The following ZNF385D variants were observed in gnomAD, a reference collection of about 807,000 sequenced individuals.
The protein encoded by ZNF385D is zinc finger protein 659.
In ZNF385D, 15 loss-of-function variants were observed where a neutral mutation model predicts 35.8. The ratio of observed to expected loss-of-function variants is 0.42; its 90% confidence interval spans 0.28 to 0.64. The LOEUF (loss-of-function observed/expected upper bound fraction) is 0.64. Ranked by LOEUF, ZNF385D falls within the 30% of genes least tolerant of loss-of-function variation. The pLI is 0.23. For missense variants in ZNF385D, 474 were observed against 494.6 expected, an observed-to-expected ratio of 0.96 and a Z score of 0.39; for synonymous variants, 212 against 186.8, an observed-to-expected ratio of 1.13 and a Z score of -1.10.
rs182212375 is a variant in ZNF385D, at chr3:21,842,068, A to G, written c.326-177040T>C. ...ATAATTTTTATCATTTCTAAAATTT[A>G]GATTTTTTGTTAAATTTAAAACTAT... On this transcript the variant is annotated intron_variant, in intron 3 of 5. Transcript: ENST00000494108. Among the ~76,000 whole-genome samples, 5 of 152,068 alleles carry G rather than the reference A, an allele frequency of 3.3e-5. No homozygotes were observed. The East Asian group carries it at 9.7e-4, about 30-fold the overall frequency.
intron 3 of ZNF385D, among the ~76,000 whole-genome samples, chr3:22,126,630 T>A (rs1445315037): frequency 2.6e-5 from 4 of 152,088 alleles, no homozygotes; most frequent in Non-Finnish European, 2.9e-5. Context: ...TGATCCGTAT[T>A]CTGAGGAGAA....
intron 3 of ZNF385D, among the ~76,000 whole-genome samples, chr3:22,136,986 T>C (rs768944539): frequency 2.6e-5 from 4 of 152,172 alleles, no homozygotes; most frequent in Non-Finnish European, 5.9e-5. Context: ...CTATTCTATA[T>C]GATCATGTAG....
intron 3 of ZNF385D, among the ~76,000 whole-genome samples, chr3:21,518,768 A>G (rs1707734705): frequency 6.6e-6 from 1 of 152,196 alleles, no homozygotes; most frequent in Non-Finnish European, 1.5e-5. Context: ...AAACATTTGA[A>G]GAAGAAATTT....
At chr3:21,431,720 C>T (rs75624705) in intron 5 of ZNF385D, among the ~76,000 whole-genome samples, 7,658 of 152,118 alleles carry the variant, frequency 0.05, 282 homozygotes, top group Non-Finnish European at 0.079. Context: ...TTGTGATAGA[C>T]GAGTCTCTAT....
At chr3:22,009,754 C>A (rs259451) in intron 3 of ZNF385D, among the ~76,000 whole-genome samples, 3 of 151,670 alleles carry the variant, frequency 2.0e-5, no homozygotes, top group African/African-American at 4.8e-5. Context: ...ATACCAAAAT[C>A]TGGATAGTAG....
intron 2 of ZNF385D, among the ~76,000 whole-genome samples, chr3:22,276,572 T>C (rs146113920): frequency 2.0e-5 from 3 of 152,312 alleles, no homozygotes; most frequent in African/African-American, 4.8e-5. Context: ...TTCTTGCTTG[T>C]ATCACAGTTA....
At chr3:21,960,673 A>G (rs1253791674) in intron 3 of ZNF385D, among the ~76,000 whole-genome samples, 1 of 152,166 alleles carries the variant, frequency 6.6e-6, no homozygotes, top group African/African-American at 2.4e-5. Flanking sequence ...TCGCTAAGAT[A>G]TGGAGTTAAC....
intron 2 of ZNF385D, among the ~76,000 whole-genome samples, chr3:22,278,852 G>A (rs561527416): frequency 6.6e-6 from 1 of 152,200 alleles, no homozygotes; most frequent in African/African-American, 2.4e-5. Context: ...TTTACTGGAA[G>A]CCTTGCAGGT....
chr3:21,453,797 T>C (rs1702614590), intron 4 of ZNF385D, among the ~76,000 whole-genome samples: 1 of 152,064 alleles, frequency 6.6e-6, no homozygotes, highest in Non-Finnish European at 1.5e-5. Context: ...TGGAAAAATT[T>C]AGTAGCTTCT....
intron 3 of ZNF385D, among the ~76,000 whole-genome samples, chr3:22,012,688 A>T (rs1696651672): frequency 6.6e-6 from 1 of 151,548 alleles, no homozygotes; most frequent in Non-Finnish European, 1.5e-5. Context: ...TATAATGACT[A>T]TTTCTAGTCT....
At chr3:21,976,049 C>G (rs114208705) in intron 3 of ZNF385D, among the ~76,000 whole-genome samples, 17 of 152,110 alleles carry the variant, frequency 1.1e-4, no homozygotes, top group African/African-American at 4.1e-4. Flanking sequence ...CAGGCTCTAA[C>G]TGGGACACCT....
chr3:21,958,473 C>T (rs1409490164), intron 3 of ZNF385D, among the ~76,000 whole-genome samples: 4 of 151,972 alleles, frequency 2.6e-5, no homozygotes, highest in African/African-American at 9.7e-5. Context: ...TATGTAATGC[C>T]ACCTTGCTGG....
chr3:22,009,440 G>A (rs1379936642), intron 3 of ZNF385D, among the ~76,000 whole-genome samples: 3 of 152,038 alleles, frequency 2.0e-5, no homozygotes, highest in East Asian at 1.9e-4. Context: ...TGGCTAACAC[G>A]GTGAAACCCC....
At chr3:21,463,895 T>TG (rs1703338616) in intron 4 of ZNF385D, among the ~76,000 whole-genome samples, 2 of 67,210 alleles carry the variant, frequency 3.0e-5, no homozygotes, top group Admixed American at 1.4e-4. Flanking sequence ...TTAGCCTCAG[T>TG]TTTTTTTTTT....
rs191187238 is a variant in ZNF385D, at chr3:21,909,270, C to A, written c.326-244242G>T. Among the ~76,000 whole-genome samples the A allele has an allele frequency of 1.3e-3, 197 of 152,154 alleles. 1 individual carries two copies. Among genetic ancestry groups the A allele is most frequent in the Non-Finnish European group, 2.4e-3 (166 of 67,960 alleles). On this transcript the variant is annotated intron_variant, in intron 3 of 5. Transcript: ENST00000494108. ...CAGTTGACAGAACTCTGTCACTGCACAAAATACAAGCTTCCTCCTGCCCCT... is the reference window on the plus strand; with the variant it reads ...CAGTTGACAGAACTCTGTCACTGCAAAAAATACAAGCTTCCTCCTGCCCCT...
intron 3 of ZNF385D, among the ~76,000 whole-genome samples, chr3:21,885,736 GTGTC>G (rs1294423726): frequency 5.8e-3 from 350 of 60,216 alleles, no homozygotes; most frequent in South Asian, 0.032. Context: ...GGGTGTGTCT[GTGTC>G]TGTGTGTGTG....
intron 3 of ZNF385D, among the ~76,000 whole-genome samples, chr3:22,048,265 G>T (rs1458717410): frequency 1.3e-5 from 2 of 151,150 alleles, no homozygotes; most frequent in East Asian, 3.9e-4. Flanking sequence ...ATTTGCTTTT[G>T]GAAAAAAAGC....
At chr3:22,109,590 T>G (rs578021370) in intron 3 of ZNF385D, among the ~76,000 whole-genome samples, 1 of 152,282 alleles carries the variant, frequency 6.6e-6, no homozygotes, top group South Asian at 2.1e-4. Flanking sequence ...GAAGAGGATT[T>G]GAAACAAATG....
intron 2 of ZNF385D, among the ~76,000 whole-genome samples, chr3:22,205,020 G>A (rs1477456101): frequency 6.9e-6 from 1 of 145,686 alleles, no homozygotes; most frequent in Non-Finnish European, 1.5e-5. Context: ...TGTACAAGAA[G>A]GTTATAGAAC....
Sources: gnomAD v4.1 joint callset for allele counts (sites outside exome capture counted in the v4.1 genomes callset) on GRCh38, gnomAD v4.1.1 for gene constraint, MANE v1.5 for transcripts, NCBI Gene and HGNC (gene_info 2026-07-23, HGNC 2026-07-21) for gene names.